CSRNP3: variants seen among roughly 807,000 people sequenced by gnomAD.
CSRNP3 encodes cysteine and serine rich nuclear protein 3.
Under a neutral mutation model 48.0 loss-of-function variants are expected in CSRNP3, and 12 were observed. The ratio of observed to expected loss-of-function variants is 0.25; its 90% CI spans 0.16 to 0.41. The LOEUF is 0.41. Ranked by LOEUF, CSRNP3 falls within the 10% of genes least tolerant of loss-of-function variation. CSRNP3 has a pLI of 1.00. For synonymous variants in CSRNP3, 263 were observed against 269.7 expected (o/e 0.98, Z 0.24); for missense variants, 580 against 724.4 (o/e 0.80, Z 2.29).
In CSRNP3 at chr2:165,596,135, A is replaced by ATTTTT. The variant is rs11317294; in HGVS notation, c.148+938_148+942dup. Among the ~76,000 whole-genome samples the ATTTTT allele has an allele frequency of 2.1e-3, 258 of 120,472 alleles. 1 individual carries two copies. Among genetic ancestry groups the ATTTTT allele is most frequent in the African/African-American group, 7.5e-3 (249 of 33,000 alleles). The allele number at this position is 120,472 out of a possible 152,430, so 79.0% of individuals were successfully genotyped here. On this transcript the variant is annotated intron_variant, in intron 4 of 6. Transcript: ENST00000651982. ...GCATCCAGCCTATGTTTTCTTTTTG[A>ATTTTT]TTTTTTTTTTTTTTTTTTTTGCCAC... is the stretch of plus-strand genomic sequence containing the variant.
intron 5 of CSRNP3, among the ~76,000 whole-genome samples, chr2:165,667,924 A>G (rs1197306595): frequency 6.6e-6 from 1 of 152,240 alleles, no homozygotes; most frequent in East Asian, 1.9e-4. Flanking sequence ...CTCCATACCT[A>G]GTACAGTGCT....
At chr2:165,492,757 A>C (rs1281250909) in intron 1 of CSRNP3, among the ~76,000 whole-genome samples, 1 of 150,274 alleles carries the variant, frequency 6.7e-6, no homozygotes, top group East Asian at 1.9e-4. Context: ...AACAAAACAA[A>C]ACTTGCTGTC....
intron 1 of CSRNP3, 109 bp downstream of exon 1, chr2:165,469,849 G>A (rs1683868899): frequency 6.6e-6 from 1 of 152,076 alleles, no homozygotes; most frequent in Non-Finnish European, 1.5e-5. Flanking sequence ...TTATTCTGAG[G>A]ACATTTTCTG....
At chr2:165,675,455 G>A (rs1466559829) in intron 5 of CSRNP3, among the ~76,000 whole-genome samples, 1 of 152,102 alleles carries the variant, frequency 6.6e-6, no homozygotes, top group Admixed American at 6.6e-5. Flanking sequence ...TTTTATGAAG[G>A]AAACATAACG....
At chr2:165,519,457 T>C (rs1473816699) in intron 3 of CSRNP3, among the ~76,000 whole-genome samples, 1 of 152,176 alleles carries the variant, frequency 6.6e-6, no homozygotes, top group East Asian at 1.9e-4. Flanking sequence ...GAATGCAGAC[T>C]CAGCTTGAAG....
intron 3 of CSRNP3, chr2:165,567,116 C>A (rs1019217798): frequency 5.9e-5 from 9 of 152,078 alleles, no homozygotes; most frequent in East Asian, 5.8e-4. Flanking sequence ...GAAAAACCAT[C>A]AGTCCTGTTT....
chr2:165,616,595 A>G (rs1393115921), intron 4 of CSRNP3, among the ~76,000 whole-genome samples: 1 of 152,174 alleles, frequency 6.6e-6, no homozygotes, highest in African/African-American at 2.4e-5. Flanking sequence ...TCTCTCCTGA[A>G]CTGTAGATTT....
At chr2:165,587,523 G>T (rs1435809246) in intron 3 of CSRNP3, among the ~76,000 whole-genome samples, 3 of 152,236 alleles carry the variant, frequency 2.0e-5, no homozygotes, top group Non-Finnish European at 4.4e-5. Flanking sequence ...AAGTTGCTCA[G>T]CCTTTGGAAC....
chr2:165,660,370 A>G (rs539031058), intron 5 of CSRNP3, among the ~76,000 whole-genome samples: 1 of 104,008 alleles, frequency 9.6e-6, no homozygotes, highest in South Asian at 4.1e-4. Flanking sequence ...GGCTCATCCA[A>G]ATAGAAAATG....
rs1285435842 is a variant in CSRNP3 at position 165,510,868 on chromosome 2, G to A, written c.-112-7005G>A. On this transcript the variant is annotated intron_variant, in intron 2 of 6. Coordinates refer to ENST00000651982, the MANE Select transcript of CSRNP3 (RefSeq NM_001172173.2). ...AATTTTGGATTCATCAATAAATGGT[G>A]CTACTTAAAGACATGGGATTGGGTT... Among the ~76,000 whole-genome samples the A allele has an allele frequency of 3.9e-5, 6 of 152,250 alleles. 1 individual carries two copies. The South Asian group carries it at 1.0e-3, about 26-fold the overall frequency.
At chr2:165,537,753 T>C (rs967067997) in intron 3 of CSRNP3, among the ~76,000 whole-genome samples, 6 of 151,886 alleles carry the variant, frequency 4.0e-5, no homozygotes, top group East Asian at 1.9e-4. Context: ...TGCTTTTCCC[T>C]TTCTCTACAC....
At chr2:165,647,303 A>T (rs1032996310) in intron 4 of CSRNP3, among the ~76,000 whole-genome samples, 1 of 152,210 alleles carries the variant, frequency 6.6e-6, no homozygotes, top group Non-Finnish European at 1.5e-5. Context: ...ACATTATTTG[A>T]CAACTTATTA....
At chr2:165,655,618 TACTA>T (rs1256461437) in intron 4 of CSRNP3, among the ~76,000 whole-genome samples, 1 of 152,154 alleles carries the variant, frequency 6.6e-6, no homozygotes, top group Non-Finnish European at 1.5e-5. Context: ...CAAGATGACT[TACTA>T]CAGCAGAAAC....
At chr2:165,545,835 TAAAG>T (rs756639932) in intron 3 of CSRNP3, among the ~76,000 whole-genome samples, 1 of 152,146 alleles carries the variant, frequency 6.6e-6, no homozygotes, top group Non-Finnish European at 1.5e-5. Context: ...TTGCTGATCT[TAAAG>T]AGAGAAATAG....
intron 4 of CSRNP3, among the ~76,000 whole-genome samples, chr2:165,644,254 C>T (rs1421339076): frequency 6.6e-6 from 1 of 152,048 alleles, no homozygotes; most frequent in Non-Finnish European, 1.5e-5. Flanking sequence ...TACCCTCAAG[C>T]CATGAAAGTC....
At chr2:165,477,620 G>GATCATGCT (rs1393120521) in intron 1 of CSRNP3, among the ~76,000 whole-genome samples, 5 of 149,206 alleles carry the variant, frequency 3.4e-5, no homozygotes, top group Admixed American at 6.8e-5. Flanking sequence ...AATCAGCCAA[G>GATCATGCT]ATCATGCTAC....
At chr2:165,481,696 T>A (rs982435498) in intron 1 of CSRNP3, among the ~76,000 whole-genome samples, 1 of 152,132 alleles carries the variant, frequency 6.6e-6, no homozygotes, top group African/African-American at 2.4e-5. Context: ...TTAGCTCTAA[T>A]ACAAGGCATC....
At chr2:165,510,704 T>C (rs1684489622) in intron 2 of CSRNP3, among the ~76,000 whole-genome samples, 1 of 152,200 alleles carries the variant, frequency 6.6e-6, no homozygotes, top group Non-Finnish European at 1.5e-5. Context: ...CTGTCCTTTG[T>C]TCCTTATTAC....
intron 1 of CSRNP3, among the ~76,000 whole-genome samples, chr2:165,470,231 G>A (rs1683874300): frequency 6.6e-6 from 1 of 152,038 alleles, no homozygotes. Flanking sequence ...GCAGGTTGTA[G>A]ACTCTTTTAG....
Sources: allele counts gnomAD v4.1 joint callset (sites outside exome capture counted in the v4.1 genomes callset), GRCh38; gene constraint gnomAD v4.1.1; transcripts MANE v1.5; gene names NCBI Gene and HGNC (gene_info 2026-07-23, HGNC 2026-07-21).